Variants in ZDHHC2 observed in about 807,000 individuals in gnomAD.
ZDHHC2 encodes the protein palmitoyltransferase ZDHHC2.
In ZDHHC2, 51 loss-of-function variants were observed where a neutral mutation model predicts 55.6. The observed-to-expected ratio is 0.92, with a 90% CI of 0.73 to 1.16. The LOEUF (loss-of-function observed/expected upper bound fraction) is 1.16. ZDHHC2 is among the 50% of genes most tolerant of loss of function. The pLI, the probability that ZDHHC2 is intolerant of heterozygous loss-of-function variation, is 0.00. For missense variants in ZDHHC2, 491 were observed against 442.4 expected (o/e 1.11, Z -0.99); for synonymous variants, 199 against 152.9 (o/e 1.30, Z -2.22).
In ZDHHC2 at chr8:17,208,033, G is replaced by T; in HGVS notation, c.671G>T (p.Ser224Ile). The T allele has an allele frequency of 6.3e-7, 1 of 1,593,998 alleles. No homozygotes were observed. The change falls in exon 8 of 13, where the codon AGC (serine) becomes ATC (isoleucine). Residue 224 changes from serine (S) to isoleucine (I), a missense_variant. By Grantham distance (142) the Ser-to-Ile change is moderately radical (BLOSUM62 -2). Transcript: ENST00000262096. ...LFFAAAMFSV[S>I]LSSLFGYHCW... ...TTTGCTGCAGCTATGTTTTCTGTCAGCTTGTCTTCTCTGTTTGGCTATCAT... is the reference window on the plus strand; with the variant it reads ...TTTGCTGCAGCTATGTTTTCTGTCATCTTGTCTTCTCTGTTTGGCTATCAT...
At chr8:17,175,794 T>C (rs1321309419) in intron 1 of ZDHHC2, among the ~76,000 whole-genome samples, 3 of 152,150 alleles carry the variant, frequency 2.0e-5, no homozygotes, top group Non-Finnish European at 4.4e-5. Flanking sequence ...AAGAGACGAA[T>C]AATGTATTGC....
chr8:17,201,279 T>G (rs939381133), intron 6 of ZDHHC2, among the ~76,000 whole-genome samples: 5 of 152,058 alleles, frequency 3.3e-5, no homozygotes, highest in Non-Finnish European at 7.4e-5. Context: ...ATTTATTTAT[T>G]TTTAGTACAA....
rs569027901 is a variant in ZDHHC2 at position 17,210,050 on chromosome 8, T to G, written c.849T>G (p.Ile283Met). The G allele has an allele frequency of 6.3e-7, 1 of 1,598,748 alleles. No homozygotes were observed. The highest frequency in any genetic ancestry group is 1.1e-5 in the South Asian group (1 of 88,732). ...AGAAGAAGTACTGGTTGCTACCCAT[T>G]TTTTCAAGGTACTTCTTTGTTAAAA... ...GDEKKYWLLP[I>M]FSSLGDGCSF... The change falls in exon 9 of 13, where the codon ATT (isoleucine) becomes ATG (methionine). Residue 283 changes from isoleucine to methionine, a missense_variant. Transcript: ENST00000262096.
intron 1 of ZDHHC2, among the ~76,000 whole-genome samples, chr8:17,183,390 T>C (rs551318291): frequency 1.4e-4 from 22 of 152,332 alleles, no homozygotes; most frequent in Non-Finnish European, 5.9e-5. Flanking sequence ...CTCAAGCCTC[T>C]CCTGTGCCCT....
chr8:17,157,742 C>T (rs1045103209), intron 1 of ZDHHC2, among the ~76,000 whole-genome samples: 19 of 152,266 alleles, frequency 1.2e-4, no homozygotes, highest in African/African-American at 4.6e-4. Context: ...CAGAAAATGA[C>T]CTTTCTGCCA....
At chr8:17,197,341 A>G (rs1806369545) in intron 4 of ZDHHC2, among the ~76,000 whole-genome samples, 1 of 152,228 alleles carries the variant, frequency 6.6e-6, no homozygotes, top group African/African-American at 2.4e-5. Flanking sequence ...CTGACAATTG[A>G]AAAAGCATCA....
chr8:17,182,162 T>A (rs1007589789), intron 1 of ZDHHC2, among the ~76,000 whole-genome samples: 1 of 152,198 alleles, frequency 6.6e-6, no homozygotes, highest in Non-Finnish European at 1.5e-5. Flanking sequence ...CAGTGGCAAG[T>A]GATAAAAATG....
At chr8:17,159,088 G>C (rs1258224462) in intron 1 of ZDHHC2, among the ~76,000 whole-genome samples, 8 of 152,152 alleles carry the variant, frequency 5.3e-5, no homozygotes, top group Admixed American at 3.9e-4. Flanking sequence ...TGGTCGAGTG[G>C]GAAGTTGAAA....
intron 6 of ZDHHC2, among the ~76,000 whole-genome samples, chr8:17,199,465 ACTTCTTCTTCTTCTTCTT>A (rs377014817): frequency 1.3e-3 from 124 of 98,628 alleles, no homozygotes; most frequent in African/African-American, 4.3e-3. Context: ...CTTTAATAAG[ACTTCTTCTTCTTCTTCTT>A]CTTCTTCTTC....
chr8:17,214,703 A>C lies in ZDHHC2; in HGVS notation c.951-534A>C, dbSNP rs557463587. On this transcript the variant is annotated intron_variant, in intron 10 of 12. Coordinates refer to ENST00000262096, the MANE Select transcript of ZDHHC2 (RefSeq NM_016353.5). ...GCAGGAGGATCACTTGAGACCAGGC[A>C]TTTGTGATCAGGCTGGGCAACATAG... Among the ~76,000 whole-genome samples the C allele has an allele frequency of 6.3e-4, 96 of 152,190 alleles. 1 individual carries two copies. Among genetic ancestry groups the C allele is most frequent in the Admixed American group, 6.2e-3 (95 of 15,278 alleles).
In ZDHHC2 at chr8:17,208,146, C is replaced by G. The variant is rs1807199099; in HGVS notation, c.730+54C>G. 2.4e-5 allele frequency: 35 copies of G among 1,462,070 alleles called. 1 individual carries two copies. The South Asian group carries it at 4.8e-4, about 20-fold the overall frequency. The allele number at this position is 1,462,070 out of a possible 1,614,324, so 90.6% of individuals were successfully genotyped here. ...AACTTTAAATACGTATACCAACATT[C>G]ATTGACAGTTGCTATGTGATTAAAT... On this transcript the variant is annotated intron_variant, in intron 8 of 12. Coordinates refer to ENST00000262096, the MANE Select transcript of ZDHHC2 (RefSeq NM_016353.5).
At chr8:17,198,705 A>G (rs1806453833) in intron 6 of ZDHHC2, among the ~76,000 whole-genome samples, 2 of 152,242 alleles carry the variant, frequency 1.3e-5, no homozygotes, top group African/African-American at 2.4e-5. Flanking sequence ...ATTCCAGAAT[A>G]CTTCACAGAA....
At chr8:17,198,573 C>T (rs1245040528) in intron 6 of ZDHHC2, among the ~76,000 whole-genome samples, 160 bp downstream of exon 6, 1 of 152,048 alleles carries the variant, frequency 6.6e-6, no homozygotes, top group East Asian at 1.9e-4. Context: ...CTTAAAAGAG[C>T]CTTTATTTAG....
chr8:17,192,797 A>G (rs1443224762), intron 3 of ZDHHC2, among the ~76,000 whole-genome samples: 2 of 152,220 alleles, frequency 1.3e-5, no homozygotes, highest in African/African-American at 2.4e-5. Context: ...ATTTTTGCGT[A>G]TGGCAAGAGA....
At position 17,184,465 on chromosome 8, in the gene ZDHHC2, A is replaced by G. The variant is rs10087940; in HGVS notation, c.131-324A>G. On this transcript the variant is annotated intron_variant, in intron 1 of 12. Transcript: ENST00000262096. The stretch of plus-strand genomic sequence containing the variant: ...CCTGGAGAGCATTGCTTTTATCTGA[A>G]CTCTATAGTTGGAAGGAAAACCAGT... Among the ~76,000 whole-genome samples, 540 of 152,296 alleles carry G rather than the reference A, an allele frequency of 3.5e-3. 6 individuals carry two copies. Among genetic ancestry groups the G allele is most frequent in the African/African-American group, 0.013 (528 of 41,572 alleles).
chr8:17,217,789 T>TA (rs1452582806), intron 12 of ZDHHC2, among the ~76,000 whole-genome samples: 3 of 152,102 alleles, frequency 2.0e-5, no homozygotes, highest in African/African-American at 7.2e-5. Flanking sequence ...CTTTAAGCCT[T>TA]ATTTTTTTTT....
Position 17,184,794 on chromosome 8 carries a change from A to G in ZDHHC2, c.136A>G (p.Met46Val), listed in dbSNP as rs781678542. 1.3e-6 allele frequency: 2 copies of G among 1,550,896 alleles called. No individual in the cohort carries two copies. Among genetic ancestry groups the G allele is most frequent in the Non-Finnish European group, 8.7e-7 (1 of 1,146,584 alleles). Reference sequence around the variant, plus strand: ...ACCTTTTTTTCTCTTTACAGTGTCCATGGAAAACACTGGCGAACAAGGTAA... The same window carrying G: ...ACCTTTTTTTCTCTTTACAGTGTCCGTGGAAAACACTGGCGAACAAGGTAA... The part of the protein sequence containing the change: ...AYAIQLCIVS[M>V]ENTGEQVVCL... The change falls in exon 2 of 13, where the codon ATG (methionine) becomes GTG (valine). Residue 46 changes from methionine (M) to valine (V), a missense_variant. Coordinates refer to ENST00000262096, the MANE Select transcript of ZDHHC2 (RefSeq NM_016353.5).
intron 7 of ZDHHC2, 91 bp from the exon 8 acceptor site, chr8:17,207,869 G>T (rs1219982069): frequency 1.8e-5 from 19 of 1,042,832 alleles, no homozygotes; most frequent in Non-Finnish European, 2.2e-5. Flanking sequence ...AAAATTTTAA[G>T]CAAAAAAAAA....
At chr8:17,198,312 T>C (rs1806430322) in intron 5 of ZDHHC2, 69 bp from the exon 6 acceptor site, 2 of 1,398,298 alleles carry the variant, frequency 1.4e-6, no homozygotes, top group Admixed American at 2.6e-5. Context: ...CCATAATTTA[T>C]ATTTTTATAA....
Sources: allele counts gnomAD v4.1 joint callset (sites outside exome capture counted in the v4.1 genomes callset), GRCh38; gene constraint gnomAD v4.1.1; transcripts MANE v1.5; gene names NCBI Gene and HGNC (gene_info 2026-07-23, HGNC 2026-07-21).